The following MEGF9 variants were observed in gnomAD, a reference collection of about 807,000 sequenced individuals.
The protein encoded by MEGF9 is multiple epidermal growth factor-like domains protein 9.
A neutral mutation model predicts 46.8 loss-of-function variants in MEGF9; 6 were observed. The ratio of observed to expected loss-of-function variants is 0.13; its 90% confidence interval spans 0.07 to 0.25. The LOEUF is 0.25. Among genes scored for constraint, MEGF9 ranks in the 10% least tolerant of loss-of-function variants. The probability of loss-of-function intolerance (pLI) is 1.00; values close to 1 mark genes in which losing one functional copy is unlikely to be tolerated. For synonymous variants in MEGF9, 302 were observed against 330.7 expected, an observed-to-expected ratio of 0.91 and a Z score of 0.94; for missense variants, 683 against 792.4, an observed-to-expected ratio of 0.86 and a Z score of 1.66.
At chr9:120,633,331 C>G (rs886749726) in intron 2 of MEGF9, among the ~76,000 whole-genome samples, 1 of 152,040 alleles carries the variant, frequency 6.6e-6, no homozygotes, top group African/African-American at 2.4e-5. Context: ...TTGCATGTTT[C>G]CATACAAGCA....
chr9:120,609,386 T>G (rs1240511528), intron 4 of MEGF9, among the ~76,000 whole-genome samples: 1 of 152,216 alleles, frequency 6.6e-6, no homozygotes, highest in African/African-American at 2.4e-5. Context: ...GAAGTTTTCC[T>G]TGATTCCCTC....
intron 1 of MEGF9, among the ~76,000 whole-genome samples, chr9:120,684,459 T>G (rs1416977148): frequency 6.6e-6 from 1 of 152,220 alleles, no homozygotes; most frequent in Non-Finnish European, 1.5e-5. Flanking sequence ...AAGGGGGTTA[T>G]CTTACTTTGT....
chr9:120,657,990 C>CT (rs552269492), intron 2 of MEGF9, among the ~76,000 whole-genome samples: 8,816 of 145,934 alleles, frequency 0.06, 829 homozygotes, highest in African/African-American at 0.2. Flanking sequence ...TTCTCTTCTA[C>CT]TTTTTTTTTT....
intron 1 of MEGF9, among the ~76,000 whole-genome samples, chr9:120,682,882 C>A (rs1587994426): frequency 6.6e-6 from 1 of 152,098 alleles, no homozygotes; most frequent in African/African-American, 2.4e-5. Flanking sequence ...GCACCCAGCC[C>A]TTACACATAG....
rs2132295966 is a variant in MEGF9, at chr9:120,605,394, T to C, written c.1605A>G (p.Val535=). The C allele has an allele frequency of 6.2e-7, 1 of 1,614,034 alleles. No individual in the cohort carries two copies. The highest frequency in any genetic ancestry group is 8.5e-7 in the Non-Finnish European group (1 of 1,179,898). The part of the protein sequence containing the change: ...VVLLMGFVGA[V]YMYREYQNRK... ...GGTTTTGGTACTCGCGGTACATATA[T>C]ACAGCCCCCACAAATCCCATTAGCA... is the stretch of plus-strand genomic sequence containing the variant. The change falls in exon 6 of 6, where the codon GTA becomes GTG. Residue 535 remains valine (V), a synonymous_variant. Transcript: ENST00000373930. This position sits in a 1 kb window ranked among gnomAD's most constrained non-coding sequence, Gnocchi z 4.0.
At chr9:120,664,262 G>A (rs560462177) in intron 1 of MEGF9, among the ~76,000 whole-genome samples, 1 of 152,128 alleles carries the variant, frequency 6.6e-6, no homozygotes, top group Non-Finnish European at 1.5e-5. Flanking sequence ...AGAATATTTG[G>A]TATGTTCTGG....
chr9:120,615,358 G>T (rs1379884279), intron 3 of MEGF9, among the ~76,000 whole-genome samples: 1 of 150,510 alleles, frequency 6.6e-6, no homozygotes, highest in African/African-American at 2.4e-5. Context: ...CAGGGCTACT[G>T]GGCTTATATG....
In MEGF9 at chr9:120,714,354, T is replaced by C; in HGVS notation, c.5A>G (p.Asn2Ser). 7.7e-7 allele frequency: 1 copy of C among 1,304,752 alleles called. No individual in the cohort carries two copies. The highest frequency in any genetic ancestry group is 1.9e-5 in the South Asian group (1 of 52,830). The allele number at this position is 1,304,752 out of a possible 1,614,324, so 80.8% of individuals were successfully genotyped here. A position where few individuals can be genotyped will look rare whatever the true frequency, so the allele number is the denominator to read the frequency against. ...CCTCATGGCGCGCTCGGCTCCGCCA[T>C]TCATTCATTCAGCCAGTCGGTTGGT... MNGGAERAMRSL... is the reference protein window; with the variant it reads MSGGAERAMRSL... The change falls in exon 1 of 6, where the codon AAT becomes AGT. Residue 2 changes from asparagine to serine, a missense_variant. Physicochemically the swap from Asn to Ser is conservative, Grantham distance 46. Around this residue, in one of 2 missense-constraint regions of MEGF9, gnomAD observed 370 missense variants for 371.3 expected, o/e 1.00. Coordinates refer to ENST00000373930, the MANE Select transcript of MEGF9 (RefSeq NM_001080497.3).
chr9:120,663,305 G>A lies in MEGF9; in HGVS notation c.602-3730C>T, dbSNP rs553907872. On this transcript the variant is annotated intron_variant, in intron 1 of 5. Transcript: ENST00000373930. ...TGAAATGATGCAAGTTAAATGAATA[G>A]TATAAGCAACAGTAATAAATGTAAA... Among the ~76,000 whole-genome samples, 7 of 152,314 alleles carry A rather than the reference G, an allele frequency of 4.6e-5. No individual in the cohort carries two copies. In the South Asian group the frequency reaches 1.4e-3, roughly 32 times the overall value.
At chr9:120,698,131 T>C (rs1157136888) in intron 1 of MEGF9, among the ~76,000 whole-genome samples, 1 of 152,208 alleles carries the variant, frequency 6.6e-6, no homozygotes, top group Non-Finnish European at 1.5e-5. Flanking sequence ...TATGCAACTA[T>C]GTAATGTTAG....
At chr9:120,669,093 G>A (rs889355905) in intron 1 of MEGF9, among the ~76,000 whole-genome samples, 4 of 152,116 alleles carry the variant, frequency 2.6e-5, no homozygotes, top group African/African-American at 9.7e-5. Context: ...ATATGGCCAT[G>A]TATATTGTTT....
At chr9:120,607,258 T>C (rs2043423605) in intron 5 of MEGF9, among the ~76,000 whole-genome samples, 1 of 152,230 alleles carries the variant, frequency 6.6e-6, no homozygotes, top group Admixed American at 6.5e-5. Context: ...AACTTTTGCT[T>C]TTAAAATTCA....
intron 1 of MEGF9, among the ~76,000 whole-genome samples, chr9:120,709,679 T>C (rs2043944024): frequency 6.6e-6 from 1 of 152,340 alleles, no homozygotes; most frequent in East Asian, 1.9e-4. Context: ...GAAATATTTC[T>C]TCAAATGTAG....
chr9:120,702,892 G>A (rs1054820330), intron 1 of MEGF9, among the ~76,000 whole-genome samples: 1 of 152,284 alleles, frequency 6.6e-6, no homozygotes, highest in South Asian at 2.1e-4. Flanking sequence ...TCATTTAACA[G>A]ATAAAACTAC....
chr9:120,659,616 T>G (rs574199071), intron 1 of MEGF9, 41 bp from the exon 2 acceptor site: 1 of 1,441,458 alleles, frequency 6.9e-7, no homozygotes, highest in Non-Finnish European at 9.4e-7. Flanking sequence ...CAACTAAGAT[T>G]TAATGCCCTC....
rs56208944 is a variant in MEGF9, at chr9:120,710,032, C to CAAA, written c.601+3723_601+3725dup. ...GGGCAAAAAGAGCGAAACTCCGTCTCAAAAAAAAAAAAAAAAAAAATCAAA... is the reference window on the plus strand; with the variant it reads ...GGGCAAAAAGAGCGAAACTCCGTCTCAAAAAAAAAAAAAAAAAAAAAAATCAAA... On this transcript the variant is annotated intron_variant, in intron 1 of 5. Coordinates refer to ENST00000373930, the MANE Select transcript of MEGF9 (RefSeq NM_001080497.3). 1.4e-3 allele frequency among the ~76,000 whole-genome samples: 134 copies of CAAA among 97,884 alleles called. 4 individuals are homozygous for CAAA. The highest frequency in any genetic ancestry group is 5.2e-3 in the African/African-American group (133 of 25,702). The allele number at this position is 97,884 out of a possible 152,430, so 64.2% of individuals were successfully genotyped here. A position where few individuals can be genotyped will look rare whatever the true frequency, so the allele number is the denominator to read the frequency against.
At chr9:120,629,594 T>C (rs904351543) in intron 2 of MEGF9, among the ~76,000 whole-genome samples, 2 of 151,772 alleles carry the variant, frequency 1.3e-5, no homozygotes, top group South Asian at 2.1e-4. Flanking sequence ...TGAGGCAAGA[T>C]TGTGCCACTG....
rs138984050 is a variant in MEGF9 at position 120,685,362 on chromosome 9, G to GTTAA, written c.602-25791_602-25788dup. Among the ~76,000 whole-genome samples, 706 of 152,284 alleles carry GTTAA rather than the reference G, an allele frequency of 4.6e-3. 6 individuals carry two copies. Among genetic ancestry groups the GTTAA allele is most frequent in the Non-Finnish European group, 7.5e-3 (507 of 68,032 alleles). On this transcript the variant is annotated intron_variant, in intron 1 of 5. Transcript: ENST00000373930. ...AATTATTGCCAAGGCACTATTAGAT[G>GTTAA]TTAACAATCTCGGATATTCTCAGAG...
chr9:120,614,836 C>G (rs2043464146), intron 3 of MEGF9, among the ~76,000 whole-genome samples: 1 of 151,256 alleles, frequency 6.6e-6, no homozygotes, highest in African/African-American at 2.4e-5. Flanking sequence ...TTTGGATGTT[C>G]AGGGTAAGAT....
Sources: gnomAD v4.1 joint callset for allele counts (sites outside exome capture counted in the v4.1 genomes callset) on GRCh38, gnomAD v4.1.1 for gene constraint, gnomAD v4.1.1 regional missense constraint, Gnocchi (gnomAD v3.1) non-coding constraint, MANE v1.5 for transcripts, NCBI Gene and HGNC (gene_info 2026-07-23, HGNC 2026-07-21) for gene names.